EDA2R: variants seen among roughly 807,000 people sequenced by gnomAD.
The protein encoded by EDA2R is ectodysplasin A2 receptor.
Under a neutral mutation model 20.1 loss-of-function variants are expected in EDA2R, and 26 were observed. The observed-to-expected ratio is 1.30, with a 90% confidence interval of 0.95 to 1.80. The LOEUF (loss-of-function observed/expected upper bound fraction) is 1.80. Among genes scored for constraint, EDA2R ranks in the 40% most tolerant of loss-of-function variants. The probability of loss-of-function intolerance (pLI) is 0.00; values close to 1 mark genes in which losing one functional copy is unlikely to be tolerated. For missense variants in EDA2R, 277 were observed against 228.7 expected (o/e 1.21, Z -1.36); for synonymous variants, 114 against 88.7 (o/e 1.29, Z -1.60).
At chrX:66,612,361 T>A (rs977370111) in intron 2 of EDA2R, among the ~76,000 whole-genome samples, 1 of 111,767 alleles carries the variant, frequency 8.9e-6, no homozygotes, top group Non-Finnish European at 1.9e-5. Context: ...TTAACAAAAA[T>A]TATATCTGAT....
intron 2 of EDA2R, among the ~76,000 whole-genome samples, chrX:66,614,399 A>G (rs1416219035): frequency 8.9e-6 from 1 of 112,326 alleles, no homozygotes; most frequent in Non-Finnish European, 1.9e-5. Flanking sequence ...GTTAAATTTT[A>G]TGTTACTTTC....
At chrX:66,617,370 G>C (rs1162810499) in intron 1 of EDA2R, among the ~76,000 whole-genome samples, 1 of 111,920 alleles carries the variant, frequency 8.9e-6, no homozygotes, top group Non-Finnish European at 1.9e-5. Context: ...CTTCTGTGCT[G>C]ATTTGATTGC....
intron 2 of EDA2R, among the ~76,000 whole-genome samples, chrX:66,606,267 A>G (rs1929665798): frequency 8.9e-6 from 1 of 112,013 alleles, no homozygotes; most frequent in South Asian, 3.7e-4. Flanking sequence ...TCTCCTGGGA[A>G]CACCATTAGC....
intron 1 of EDA2R, among the ~76,000 whole-genome samples, chrX:66,619,582 T>C (rs1932263577): frequency 9.0e-6 from 1 of 111,617 alleles, no homozygotes; most frequent in East Asian, 2.8e-4. Flanking sequence ...CTCTTTACAT[T>C]ACTGAGGGTT....
In EDA2R at chrX:66,628,070, C is replaced by A. The variant is rs150559654; in HGVS notation, c.-11+10925G>T. ...ATGCAGATACATGGAAATTATATAA[C>A]CTGCTCCTGAATGATCACTGGGTCA... On this transcript the variant is annotated intron_variant, in intron 1 of 6. Transcript: ENST00000374719. Among the ~76,000 whole-genome samples the A allele has an allele frequency of 8.9e-3, 988 of 111,331 alleles. 3 individuals carry two copies. The highest frequency in any genetic ancestry group is 0.015 in the Non-Finnish European group (784 of 53,020).
chrX:66,625,652 A>G (rs191529926), intron 1 of EDA2R, among the ~76,000 whole-genome samples: 1 of 111,908 alleles, frequency 8.9e-6, no homozygotes, highest in East Asian at 2.8e-4. Flanking sequence ...GTTCCTCTCC[A>G]TACTACCAAA....
intron 1 of EDA2R, among the ~76,000 whole-genome samples, chrX:66,637,356 T>C (rs996668121): frequency 9.0e-6 from 1 of 111,693 alleles, no homozygotes; most frequent in African/African-American, 3.3e-5. Context: ...TATCCCCCTC[T>C]TGTGTTTTCC....
At chrX:66,620,824 A>G (rs757200861) in intron 1 of EDA2R, among the ~76,000 whole-genome samples, 1 of 109,938 alleles carries the variant, frequency 9.1e-6, no homozygotes, top group Non-Finnish European at 1.9e-5. Context: ...TAGATAATTT[A>G]AAAATGAGTA....
rs1263988900 is a variant in EDA2R at position 66,596,459 on chromosome X, C to A, written c.*1645G>T. Reference sequence around the variant, plus strand: ...TTCTGGGTATGGCTTGGGCTGTCCACATAGCATTCATGCCATGAGCAAGCA... The same window carrying A: ...TTCTGGGTATGGCTTGGGCTGTCCAAATAGCATTCATGCCATGAGCAAGCA... On this transcript the variant is annotated 3_prime_UTR_variant, in exon 7 of 7. Coordinates refer to ENST00000374719, the MANE Select transcript of EDA2R (RefSeq NM_021783.5). The A allele has an allele frequency of 9.0e-6, 1 of 111,668 alleles. No homozygotes were observed. The highest frequency in any genetic ancestry group is 1.9e-5 in the Non-Finnish European group (1 of 53,163). 9.2% of individuals were successfully genotyped at this position (111,668 alleles called of 1,213,427 possible).
chrX:66,611,039 A>G (rs969354037), intron 2 of EDA2R, among the ~76,000 whole-genome samples: 1 of 111,415 alleles, frequency 9.0e-6, no homozygotes, highest in African/African-American at 3.3e-5. Flanking sequence ...CAACTCAGAC[A>G]CTTCTTTATG....
chrX:66,620,986 A>AT (rs1932515273), intron 1 of EDA2R, among the ~76,000 whole-genome samples: 1 of 105,657 alleles, frequency 9.5e-6, no homozygotes, highest in Non-Finnish European at 1.9e-5. Context: ...AAAAAAAAAA[A>AT]AAATAGCCGG....
intron 1 of EDA2R, among the ~76,000 whole-genome samples, chrX:66,618,777 C>T (rs1204123945): frequency 9.1e-6 from 1 of 109,364 alleles, no homozygotes; most frequent in Non-Finnish European, 1.9e-5. Context: ...ACTTTCCAAA[C>T]AATAGTAGTA....
chrX:66,620,327 C>T (rs769072045), intron 1 of EDA2R, among the ~76,000 whole-genome samples: 2 of 110,874 alleles, frequency 1.8e-5, no homozygotes, highest in East Asian at 2.8e-4. Context: ...TTAAAGAATG[C>T]CAAGAAAATT....
intron 2 of EDA2R, among the ~76,000 whole-genome samples, chrX:66,613,135 T>C (rs1021283122): frequency 8.9e-6 from 1 of 111,775 alleles, no homozygotes; most frequent in African/African-American, 3.2e-5. Flanking sequence ...GATATTTAAA[T>C]TTTAGGAATT....
intron 1 of EDA2R, among the ~76,000 whole-genome samples, chrX:66,616,430 CAT>C (rs1366398439): frequency 1.8e-5 from 2 of 112,311 alleles, no homozygotes; most frequent in African/African-American, 6.5e-5. Context: ...CACAATCCCT[CAT>C]GTGTGAACAG....
intron 5 of EDA2R, among the ~76,000 whole-genome samples, chrX:66,602,419 C>T (rs1351481446): frequency 4.5e-5 from 5 of 110,968 alleles, no homozygotes; most frequent in African/African-American, 1.3e-4. Context: ...TGAACCAGGT[C>T]TTCTAAACTC....
intron 4 of EDA2R, among the ~76,000 whole-genome samples, chrX:66,603,411 G>A (rs772285919): frequency 4.5e-5 from 5 of 111,201 alleles, no homozygotes; most frequent in African/African-American, 1.6e-4. Context: ...TTACACCCTT[G>A]CAGTAAGGCC....
chrX:66,596,409 C>T lies in EDA2R; in HGVS notation c.*1695G>A, dbSNP rs1602161526. ...CCAATTGCCACCTCCAATTGCTGAA[C>T]CTCAAAAAGTTGGAATTAAGGTGAT... On this transcript the variant is annotated 3_prime_UTR_variant, in exon 7 of 7. Transcript: ENST00000374719. 8.9e-6 allele frequency: 1 copy of T among 111,817 alleles called. No individual in the cohort carries two copies. 9.2% of individuals were successfully genotyped at this position (111,817 alleles called of 1,213,427 possible).
At chrX:66,612,298 A>T (rs189641747) in intron 2 of EDA2R, among the ~76,000 whole-genome samples, 1 of 112,152 alleles carries the variant, frequency 8.9e-6, no homozygotes, top group Non-Finnish European at 1.9e-5. Flanking sequence ...TATAAAATGT[A>T]CTATCTTTCT....
Sources: gnomAD v4.1 joint callset for allele counts (sites outside exome capture counted in the v4.1 genomes callset) on GRCh38, gnomAD v4.1.1 for gene constraint, MANE v1.5 for transcripts, NCBI Gene and HGNC (gene_info 2026-07-23, HGNC 2026-07-21) for gene names.